The following POGLUT1 variants were observed in gnomAD, a reference collection of about 807,000 sequenced individuals.
POGLUT1 encodes the protein protein O-glucosyltransferase 1, also known as 9630046K23Rik.
POGLUT1 carries 32 observed loss-of-function variants against 61.3 expected under a neutral mutation model. The ratio of observed to expected loss-of-function variants is 0.52; its 90% CI spans 0.39 to 0.70. The LOEUF (loss-of-function observed/expected upper bound fraction) is 0.70. POGLUT1 is among the 30% of genes least tolerant of loss of function. The pLI is 0.00. For missense variants in POGLUT1, 411 were observed against 469.8 expected (o/e 0.87, Z 1.16); for synonymous variants, 158 against 158.2 (o/e 1.00, Z 0.01).
chr3:119,485,484 A>G, intron 6 of POGLUT1, 97 bp downstream of exon 6: 1 of 673,528 alleles, frequency 1.5e-6, no homozygotes, highest in African/African-American at 1.9e-5. Flanking sequence ...TTCAAAGGGA[A>G]AGCTAAGATA....
chr3:119,486,760 C>A, intron 6 of POGLUT1, 73 bp from the exon 7 acceptor site: 1 of 1,006,480 alleles, frequency 9.9e-7, no homozygotes, highest in Non-Finnish European at 1.6e-6. Flanking sequence ...CCTAGTCCTG[C>A]TCACCTTTCA....
At chr3:119,472,634 T>C (rs1355184673) in intron 3 of POGLUT1, among the ~76,000 whole-genome samples, 1 of 152,218 alleles carries the variant, frequency 6.6e-6, no homozygotes, top group Non-Finnish European at 1.5e-5. Context: ...GAGAATTGCT[T>C]GAACCCAGGA....
chr3:119,475,841 C>T (rs1329569311), intron 3 of POGLUT1, among the ~76,000 whole-genome samples: 1 of 151,802 alleles, frequency 6.6e-6, no homozygotes, highest in Non-Finnish European at 1.5e-5. Flanking sequence ...GATAAACAGG[C>T]TGGGCACAGT....
chr3:119,477,137 CA>C (rs772466985), intron 3 of POGLUT1, among the ~76,000 whole-genome samples, 175 bp from the exon 4 acceptor site: 1 of 152,150 alleles, frequency 6.6e-6, no homozygotes, highest in Non-Finnish European at 1.5e-5. Context: ...TTGCACAATA[CA>C]AAAAAGCAGA....
intron 2 of POGLUT1, 87 bp downstream of exon 2, chr3:119,469,997 T>C (rs2081451104): frequency 2.4e-6 from 2 of 818,844 alleles, no homozygotes; most frequent in East Asian, 4.9e-5. Flanking sequence ...TTGGTTGCAG[T>C]GGTCAGAAAG....
At chr3:119,473,862 C>T (rs13080905) in intron 3 of POGLUT1, among the ~76,000 whole-genome samples, 115,369 of 151,904 alleles carry the variant, frequency 0.76, 43,990 homozygotes, top group East Asian at 0.86. Flanking sequence ...GGTTTCACCT[C>T]GTTCGTCAGG....
intron 3 of POGLUT1, 54 bp downstream of exon 3, chr3:119,471,506 T>A (rs2081474162): frequency 3.3e-6 from 5 of 1,526,682 alleles, no homozygotes; most frequent in Non-Finnish European, 4.5e-6. Context: ...ATGGGCTTGA[T>A]ACCCTTTTAT....
rs1350254981 is a variant in POGLUT1 at position 119,491,529 on chromosome 3, A to G, written c.977A>G (p.Gln326Arg). The change falls in exon 10 of 11, where the codon CAA becomes CGA. Residue 326 changes from glutamine to arginine, a missense_variant. Coordinates refer to ENST00000295588, the MANE Select transcript of POGLUT1 (RefSeq NM_152305.3). ...TDLSNVQELL[Q>R]FVKANDDVAQ... ...TCTTTTCATTTTAGAGAGCTGTTACAATTTGTAAAAGCAAATGATGATGTA... is the reference window on the plus strand; with the variant it reads ...TCTTTTCATTTTAGAGAGCTGTTACGATTTGTAAAAGCAAATGATGATGTA... The G allele has an allele frequency of 6.5e-7, 1 of 1,532,574 alleles. No individual in the cohort carries two copies. Among genetic ancestry groups the G allele is most frequent in the Non-Finnish European group, 8.9e-7 (1 of 1,117,690 alleles). The allele number at this position is 1,532,574 out of a possible 1,614,324, so 94.9% of individuals were successfully genotyped here. A position where few individuals can be genotyped will look rare whatever the true frequency, so the allele number is the denominator to read the frequency against.
intron 5 of POGLUT1, among the ~76,000 whole-genome samples, chr3:119,480,523 C>T (rs2081593836): frequency 6.6e-6 from 1 of 152,152 alleles, no homozygotes; most frequent in Non-Finnish European, 1.5e-5. Context: ...GCTGGGATTA[C>T]AGGCGTGAGC....
chr3:119,485,285 T>C (rs750468513), intron 5 of POGLUT1, 43 bp from the exon 6 acceptor site: 2 of 1,201,980 alleles, frequency 1.7e-6, no homozygotes, highest in Non-Finnish European at 2.4e-6. Context: ...TCTTATATAG[T>C]TGAAAAAGAT....
intron 1 of POGLUT1, 94 bp downstream of exon 1, chr3:119,469,200 G>A: frequency 1.0e-6 from 1 of 980,964 alleles, no homozygotes; most frequent in Non-Finnish European, 1.6e-6. Context: ...CCGGGAAGAT[G>A]CCGTGGCCGC....
intron 5 of POGLUT1, among the ~76,000 whole-genome samples, chr3:119,484,582 C>T (rs2081644186): frequency 6.6e-6 from 1 of 152,238 alleles, no homozygotes; most frequent in African/African-American, 2.4e-5. Flanking sequence ...TCTGATGACA[C>T]TTCCCACCTA....
At chr3:119,470,355 C>T (rs574086424) in intron 2 of POGLUT1, among the ~76,000 whole-genome samples, 2 of 152,274 alleles carry the variant, frequency 1.3e-5, no homozygotes, top group Non-Finnish European at 2.9e-5. Context: ...GCAGGTGGAT[C>T]ACCTGAGGTC....
rs2081446218 is a variant in POGLUT1 at position 119,469,686 on chromosome 3, G to A, written c.86-134G>A. ...TTGCACACACAAAAATTCCTCCCTAGCGTTTCGTTTCCATCAGTGGGATGG... is the reference window on the plus strand; with the variant it reads ...TTGCACACACAAAAATTCCTCCCTAACGTTTCGTTTCCATCAGTGGGATGG... On this transcript the variant is annotated intron_variant, in intron 1 of 10. Transcript: ENST00000295588. 12 of 615,642 alleles carry A rather than the reference G, an allele frequency of 1.9e-5. No homozygotes were observed. In the South Asian group the frequency reaches 2.0e-4, roughly 10 times the overall value. The allele number at this position is 615,642 out of a possible 1,614,324, so 38.1% of individuals were successfully genotyped here. A position where few individuals can be genotyped will look rare whatever the true frequency, so the allele number is the denominator to read the frequency against.
chr3:119,486,981 C>A, intron 7 of POGLUT1, 49 bp downstream of exon 7: 3 of 1,187,804 alleles, frequency 2.5e-6, no homozygotes, highest in South Asian at 1.2e-5. Context: ...CATTCTCACT[C>A]AAAGAACATT....
chr3:119,491,651 A>G (rs537389438), intron 10 of POGLUT1, 77 bp downstream of exon 10: 75 of 684,918 alleles, frequency 1.1e-4, no homozygotes, highest in Non-Finnish European at 1.8e-4. Flanking sequence ...TTATCTGAAT[A>G]TTGTTATCAT....
chr3:119,470,076 C>T (rs2081452708), intron 2 of POGLUT1, among the ~76,000 whole-genome samples, 166 bp downstream of exon 2: 1 of 152,162 alleles, frequency 6.6e-6, no homozygotes, highest in Admixed American at 6.5e-5. Context: ...GTGGTGTCAA[C>T]CTAACCACTG....
chr3:119,469,330 A>C (rs930970138), intron 1 of POGLUT1: 5 of 585,956 alleles, frequency 8.5e-6, no homozygotes, highest in African/African-American at 7.6e-5. Flanking sequence ...TCAGAATGAC[A>C]GGGAGGAGAG....
rs561945934 is a variant in POGLUT1, at chr3:119,469,490, C to G, written c.86-330C>G. 2.6e-5 allele frequency among the ~76,000 whole-genome samples: 4 copies of G among 152,340 alleles called. No homozygotes were observed. In the South Asian group the frequency reaches 8.3e-4, roughly 32 times the overall value. On this transcript the variant is annotated intron_variant, in intron 1 of 10. Transcript: ENST00000295588. ...CCAGAAGAGAAGAGGGGTTTAATGT[C>G]TGTAGCTTTTAACTGATCCTCTTTG... is the stretch of plus-strand genomic sequence containing the variant.
Sources: allele counts gnomAD v4.1 joint callset (sites outside exome capture counted in the v4.1 genomes callset), GRCh38; gene constraint gnomAD v4.1.1; transcripts MANE v1.5; gene names NCBI Gene and HGNC (gene_info 2026-07-23, HGNC 2026-07-21).